AGBL1: variants seen among roughly 807,000 people sequenced by gnomAD.
The protein encoded by AGBL1 is AGBL carboxypeptidase 1, also known as cytosolic carboxypeptidase 4.
A neutral mutation model predicts 118.9 loss-of-function variants in AGBL1; 130 were observed. That is an observed-to-expected ratio of 1.09 (90% CI 0.95 to 1.26). AGBL1 has a LOEUF of 1.26. AGBL1 is among the 50% of genes most tolerant of loss of function. The pLI, the probability that AGBL1 is intolerant of heterozygous loss-of-function variation, is 0.00. For synonymous variants in AGBL1, 555 were observed against 478.9 expected (o/e 1.16, Z -2.08); for missense variants, 1,584 against 1,298.1 (o/e 1.22, Z -3.38).
intron 19 of AGBL1, among the ~76,000 whole-genome samples, chr15:86,545,714 T>C (rs572045609): frequency 5.4e-4 from 82 of 152,270 alleles, no homozygotes; most frequent in Non-Finnish European, 1.1e-3. Context: ...CACAAGTAAA[T>C]TTATCAAAAG....
Position 86,492,026 on chromosome 15 carries a change from G to A in AGBL1, c.2556-30784G>A, listed in dbSNP as rs138118803. On this transcript the variant is annotated intron_variant, in intron 18 of 22. Coordinates refer to ENST00000614907, the MANE Select transcript of AGBL1 (RefSeq NM_001386094.1). ...GAAAGTTGATTTTACCTTCATTTTTGGATGAGAGATGGAGACTTAAAGATA... is the reference window on the plus strand; with the variant it reads ...GAAAGTTGATTTTACCTTCATTTTTAGATGAGAGATGGAGACTTAAAGATA... Among the ~76,000 whole-genome samples, 824 of 152,072 alleles carry A rather than the reference G, an allele frequency of 5.4e-3. 6 individuals carry two copies. The highest frequency in any genetic ancestry group is 8.2e-3 in the Non-Finnish European group (556 of 67,956).
intron 23 of AGBL1, chr15:86,987,903 G>A: frequency 1.3e-6 from 2 of 1,504,590 alleles, no homozygotes; most frequent in Non-Finnish European, 1.8e-6. Context: ...TCAATAATAT[G>A]TTTTTAAAAT....
chr15:86,333,506 A>C (rs1239054953), intron 17 of AGBL1, among the ~76,000 whole-genome samples: 1 of 152,204 alleles, frequency 6.6e-6, no homozygotes, highest in Non-Finnish European at 1.5e-5. Context: ...CCCTGAAAAG[A>C]CTAATAACAA....
intron 22 of AGBL1, among the ~76,000 whole-genome samples, chr15:86,677,515 A>G (rs1428770778): frequency 1.3e-5 from 2 of 152,100 alleles, no homozygotes; most frequent in Non-Finnish European, 2.9e-5. Context: ...GTCTTTTGCA[A>G]AGTCACTTAA....
chr15:86,801,072 C>A lies in AGBL1; in HGVS notation c.3159-106015C>A, dbSNP rs372149122. Among the ~76,000 whole-genome samples the A allele has an allele frequency of 2.6e-5, 4 of 152,006 alleles. No homozygotes were observed. The East Asian group carries it at 7.7e-4, about 29-fold the overall frequency. The stretch of plus-strand genomic sequence containing the variant: ...ATCTTTGCCTTCAGACAAAAAAACT[C>A]GAACTTACATGTATAACACTTTTTT... On this transcript the variant is annotated intron_variant, in intron 22 of 22. Transcript: ENST00000614907.
intron 17 of AGBL1, among the ~76,000 whole-genome samples, chr15:86,385,420 A>G (rs1381093703): frequency 6.6e-6 from 1 of 152,206 alleles, no homozygotes; most frequent in Admixed American, 6.5e-5. Context: ...GCAGAGTCTC[A>G]GGCATCACCT....
At chr15:86,358,019 AT>A (rs894161187) in intron 17 of AGBL1, among the ~76,000 whole-genome samples, 13 of 152,072 alleles carry the variant, frequency 8.5e-5, no homozygotes, top group African/African-American at 2.9e-4. Context: ...CATACTTATA[AT>A]TTTTTTGTGG....
chr15:86,748,510 C>CTT lies in AGBL1; in HGVS notation c.3158+74109_3158+74110dup, dbSNP rs752203969. Among the ~76,000 whole-genome samples the CTT allele has an allele frequency of 7.2e-4, 7 of 9,774 alleles. 1 individual carries two copies. Among genetic ancestry groups the CTT allele is most frequent in the Non-Finnish European group, 1.1e-3 (4 of 3,750 alleles). The allele number at this position is 9,774 out of a possible 152,430, so 6.4% of individuals were successfully genotyped here. A position where few individuals can be genotyped will look rare whatever the true frequency, so the allele number is the denominator to read the frequency against. On this transcript the variant is annotated intron_variant, in intron 22 of 22. Transcript: ENST00000614907. ...ATTAGATCCCATTTGTCAATTTTGGCTTTTTTTTTTTTTTTTTTTTTTTTT... is the reference window on the plus strand; with the variant it reads ...ATTAGATCCCATTTGTCAATTTTGGCTTTTTTTTTTTTTTTTTTTTTTTTTTT...
At chr15:86,672,030 C>A (rs1404819044) in intron 21 of AGBL1, among the ~76,000 whole-genome samples, 1 of 152,164 alleles carries the variant, frequency 6.6e-6, no homozygotes, top group Non-Finnish European at 1.5e-5. Context: ...TGTGATAGCG[C>A]CACTGTACTC....
chr15:86,933,895 A>T (rs1256588683), intron 23 of AGBL1, among the ~76,000 whole-genome samples: 1 of 152,228 alleles, frequency 6.6e-6, no homozygotes, highest in African/African-American at 2.4e-5. Flanking sequence ...ATCTTGGTTG[A>T]GGTTCTAACA....
At chr15:86,975,634 C>T (rs1244661982) in intron 23 of AGBL1, among the ~76,000 whole-genome samples, 2 of 152,194 alleles carry the variant, frequency 1.3e-5, no homozygotes, top group Non-Finnish European at 2.9e-5. Flanking sequence ...TTCTAAAGCA[C>T]AATGTTTCAG....
chr15:86,418,736 A>G (rs1454701964), intron 18 of AGBL1, among the ~76,000 whole-genome samples: 1 of 152,182 alleles, frequency 6.6e-6, no homozygotes, highest in African/African-American at 2.4e-5. Flanking sequence ...AGGATGATTC[A>G]GACTTCCCAC....
chr15:86,929,806 A>T (rs1489687110), intron 23 of AGBL1, among the ~76,000 whole-genome samples: 2 of 152,220 alleles, frequency 1.3e-5, no homozygotes, highest in Non-Finnish European at 2.9e-5. Context: ...CATCACTGGC[A>T]TCCAACTGAA....
At chr15:86,948,163 G>T (rs1179364333) in intron 23 of AGBL1, among the ~76,000 whole-genome samples, 2 of 152,136 alleles carry the variant, frequency 1.3e-5, no homozygotes, top group African/African-American at 4.8e-5. Context: ...GACTTGGGGG[G>T]AGGAGGTGGA....
intron 5 of AGBL1, among the ~76,000 whole-genome samples, chr15:86,198,210 T>C (rs1053048243): frequency 2.0e-5 from 3 of 152,206 alleles, no homozygotes; most frequent in African/African-American, 4.8e-5. Flanking sequence ...ACTTTTGGAA[T>C]GGGAATGCCT....
intron 21 of AGBL1, among the ~76,000 whole-genome samples, chr15:86,570,013 A>T (rs1288408568): frequency 6.6e-6 from 1 of 152,360 alleles, no homozygotes; most frequent in East Asian, 1.9e-4. Context: ...GAACAGACAA[A>T]CAAAATCAAA....
At chr15:86,083,728 T>C (rs1347355864) in intron 1 of AGBL1, 1 of 152,188 alleles carries the variant, frequency 6.6e-6, no homozygotes, top group African/African-American at 2.4e-5. Flanking sequence ...GGGCTACAAA[T>C]AGAGGAAGGG....
intron 19 of AGBL1, among the ~76,000 whole-genome samples, chr15:86,523,552 C>G (rs75101311): frequency 0.031 from 4,685 of 152,204 alleles, 114 homozygotes; most frequent in African/African-American, 0.066. Context: ...GCGTAGTAGT[C>G]ATTGGTAAAA....
chr15:86,437,361 G>A (rs959878944), intron 18 of AGBL1, among the ~76,000 whole-genome samples: 7 of 152,232 alleles, frequency 4.6e-5, no homozygotes, highest in Middle Eastern at 3.4e-3. Flanking sequence ...AAGAGAAAGC[G>A]CTTAAATAAG....
Sources: allele counts gnomAD v4.1 joint callset (sites outside exome capture counted in the v4.1 genomes callset), GRCh38; gene constraint gnomAD v4.1.1; transcripts MANE v1.5; gene names NCBI Gene and HGNC (gene_info 2026-07-23, HGNC 2026-07-21).